Variants in EML4 observed in about 807,000 individuals in gnomAD.
EML4 encodes the protein echinoderm microtubule-associated protein-like 4.
In EML4, 72 loss-of-function variants were observed where a neutral mutation model predicts 129.0. That is an observed-to-expected ratio of 0.56 (90% CI 0.46 to 0.68). The LOEUF (loss-of-function observed/expected upper bound fraction) is 0.68. EML4 is among the 30% of genes least tolerant of loss of function. The probability of loss-of-function intolerance (pLI) is 0.00; values close to 1 mark genes in which losing one functional copy is unlikely to be tolerated. For missense variants in EML4, 1,363 were observed against 1,190.6 expected, an observed-to-expected ratio of 1.14 and a Z score of -2.13; for synonymous variants, 532 against 405.0, an observed-to-expected ratio of 1.31 and a Z score of -3.77.
chr2:42,176,059 C>T (rs1036469794), intron 1 of EML4, among the ~76,000 whole-genome samples: 2 of 150,958 alleles, frequency 1.3e-5, no homozygotes, highest in Non-Finnish European at 2.9e-5. Context: ...CTTTTCTCTA[C>T]TCCAATACTG....
intron 1 of EML4, among the ~76,000 whole-genome samples, chr2:42,197,838 A>G (rs1208527070): frequency 6.6e-6 from 1 of 152,182 alleles, no homozygotes; most frequent in Non-Finnish European, 1.5e-5. Context: ...TCCACCTCAA[A>G]CCTTGTGTAC....
At chr2:42,286,137 A>G (rs768063607) in intron 9 of EML4, 132 bp from the exon 10 acceptor site, 14 of 697,526 alleles carry the variant, frequency 2.0e-5, no homozygotes, top group Non-Finnish European at 3.5e-5. Context: ...ATTTGGAGGC[A>G]TGTCTAAATC....
intron 19 of EML4, among the ~76,000 whole-genome samples, chr2:42,318,192 G>C (rs528913881): frequency 1.3e-5 from 2 of 152,220 alleles, no homozygotes; most frequent in African/African-American, 4.8e-5. Flanking sequence ...AAGGTAGGCA[G>C]TGTAGCACAG....
chr2:42,257,965 C>G (rs776643338), intron 3 of EML4, among the ~76,000 whole-genome samples: 58 of 152,092 alleles, frequency 3.8e-4, no homozygotes, highest in Non-Finnish European at 2.4e-4. Flanking sequence ...AAAAGGGAAA[C>G]TAAGAAAATG....
At chr2:42,310,020 C>T (rs1572735814) in intron 17 of EML4, among the ~76,000 whole-genome samples, 1 of 152,174 alleles carries the variant, frequency 6.6e-6, no homozygotes, top group East Asian at 1.9e-4. Flanking sequence ...ATAGTATGGC[C>T]CAGTAGGTGT....
At chr2:42,231,499 C>T (rs1443021995) in intron 1 of EML4, among the ~76,000 whole-genome samples, 1 of 152,202 alleles carries the variant, frequency 6.6e-6, no homozygotes, top group Non-Finnish European at 1.5e-5. Flanking sequence ...TCATTCCCCA[C>T]ACTGTTTTTT....
At chr2:42,245,976 G>C (rs1228021154) in intron 2 of EML4, among the ~76,000 whole-genome samples, 1 of 152,158 alleles carries the variant, frequency 6.6e-6, no homozygotes, top group Non-Finnish European at 1.5e-5. Flanking sequence ...GGCAGGAACT[G>C]AATCATCGTT....
In EML4 at chr2:42,304,534, A is replaced by G; in HGVS notation, c.1950A>G (p.Ile650Met). The change falls in exon 17 of 23, where the codon ATA (isoleucine) becomes ATG (methionine). Residue 650 changes from isoleucine to methionine, a missense_variant. Physicochemically the swap from Ile to Met is conservative, Grantham distance 10 (BLOSUM62 1). Transcript: ENST00000318522. ...ATCCAAGTGGCACAGTGGTGGCCAT[A>G]GGAACGCACTCAGGCAGGTAGGGTC... ...DFHPSGTVVAIGTHSGRWFVL... is the reference protein window; with the variant it reads ...DFHPSGTVVAMGTHSGRWFVL... The G allele has an allele frequency of 6.2e-7, 1 of 1,614,006 alleles. No homozygotes were observed. Among genetic ancestry groups the G allele is most frequent in the Non-Finnish European group, 8.5e-7 (1 of 1,179,860 alleles).
chr2:42,324,479 G>C (rs1669684204), intron 19 of EML4, among the ~76,000 whole-genome samples: 2 of 152,168 alleles, frequency 1.3e-5, no homozygotes, highest in Non-Finnish European at 2.9e-5. Context: ...AGCTGGGAGT[G>C]ATGGCATGTG....
chr2:42,239,989 A>G (rs773190242), intron 1 of EML4, among the ~76,000 whole-genome samples: 68 of 152,206 alleles, frequency 4.5e-4, no homozygotes, highest in Non-Finnish European at 8.8e-4. Context: ...CATCAGAGGA[A>G]GGAACTCTGA....
chr2:42,256,839 C>T (rs903238503), intron 3 of EML4, among the ~76,000 whole-genome samples: 12 of 152,182 alleles, frequency 7.9e-5, no homozygotes, highest in African/African-American at 1.7e-4. Context: ...GGAAGCTTTC[C>T]GTTCTCACTA....
Position 42,245,623 on chromosome 2 carries a change from T to C in EML4, c.144T>C (p.Val48=), listed in dbSNP as rs1423926603. 6.2e-7 allele frequency: 1 copy of C among 1,613,800 alleles called. No individual in the cohort carries two copies. Reference sequence around the variant, plus strand: ...TGCTAAAGGCGGCTTTGGCTGATGTTTTGAGGCGTCTTGCAATCTCTGAAG... The same window carrying C: ...TGCTAAAGGCGGCTTTGGCTGATGTCTTGAGGCGTCTTGCAATCTCTGAAG... ...ITVLKAALAD[V]LRRLAISEDH... is the part of the protein sequence containing the mutation. The change falls in exon 2 of 23, where the codon GTT becomes GTC. Residue 48 remains valine (V), a synonymous_variant. Transcript: ENST00000318522.
intron 7 of EML4, among the ~76,000 whole-genome samples, chr2:42,281,427 T>C (rs1362184165): frequency 6.6e-6 from 1 of 151,308 alleles, no homozygotes; most frequent in African/African-American, 2.4e-5. Flanking sequence ...ACATTATCTC[T>C]AATTCTTTGC....
At chr2:42,189,562 A>G (rs1195791700) in intron 1 of EML4, among the ~76,000 whole-genome samples, 1 of 152,238 alleles carries the variant, frequency 6.6e-6, no homozygotes, top group Non-Finnish European at 1.5e-5. Context: ...GTTCTGTGAC[A>G]GGGCGAGAAC....
chr2:42,282,681 T>TCTG, intron 7 of EML4, 142 bp from the exon 8 acceptor site: 1 of 720,834 alleles, frequency 1.4e-6, no homozygotes, highest in Non-Finnish European at 2.3e-6. Flanking sequence ...GTGTGAGCAC[T>TCTG]CTGCCCGTCC....
At chr2:42,226,782 A>G (rs560972354) in intron 1 of EML4, among the ~76,000 whole-genome samples, 1 of 152,298 alleles carries the variant, frequency 6.6e-6, no homozygotes, top group South Asian at 2.1e-4. Flanking sequence ...GCATATGTTA[A>G]GTAGTCTGAC....
intron 1 of EML4, among the ~76,000 whole-genome samples, chr2:42,244,097 TTTTG>T (rs1675220077): frequency 1.1e-4 from 5 of 47,044 alleles, no homozygotes; most frequent in Non-Finnish European, 1.9e-4. Context: ...TGTTTTTGTT[TTTTG>T]TTTTTTTTTT....
Position 42,295,377 on chromosome 2 carries a change from G to A in EML4, c.1354-4G>A, listed in dbSNP as rs1475867126. The A allele has an allele frequency of 6.2e-7, 1 of 1,608,136 alleles. No homozygotes were observed. Among genetic ancestry groups the A allele is most frequent in the African/African-American group, 1.3e-5 (1 of 74,494 alleles). ...AACTGAAAATTTTTATTGTTTCCTTGTAGAAATATGAAAAGCCAAAATTTG... is the reference window on the plus strand; with the variant it reads ...AACTGAAAATTTTTATTGTTTCCTTATAGAAATATGAAAAGCCAAAATTTG... On this transcript the variant is annotated splice_region_variant and splice_polypyrimidine_tract_variant and intron_variant, in intron 12 of 22. Coordinates refer to ENST00000318522, the MANE Select transcript of EML4 (RefSeq NM_019063.5).
chr2:42,267,093 T>G (rs956497719), intron 6 of EML4, among the ~76,000 whole-genome samples: 1 of 152,186 alleles, frequency 6.6e-6, no homozygotes, highest in Non-Finnish European at 1.5e-5. Flanking sequence ...ATTGAGCAGG[T>G]TACTTCAACC....
Sources: gnomAD v4.1 joint callset for allele counts (sites outside exome capture counted in the v4.1 genomes callset) on GRCh38, gnomAD v4.1.1 for gene constraint, MANE v1.5 for transcripts, NCBI Gene and HGNC (gene_info 2026-07-23, HGNC 2026-07-21) for gene names.